Variants in FALEC observed in about 807,000 individuals in gnomAD.
The protein encoded by FALEC is focally amplified lncRNA regulator of ECM1.
At chr1:150,529,027 A>AAAAAAAAAAAAAAAAAAAAAAAAAT in the FALEC span, among the ~76,000 whole-genome samples, 1 of 150,818 alleles carries the variant, frequency 6.6e-6, no homozygotes, top group African/African-American at 2.4e-5. Context: ...AAAAAAAAAA[A>AAAAAAAAAAAAAAAAAAAAAAAAAT]AAAAAAAAAA....
At chr1:150,528,955 A>C in the FALEC span, among the ~76,000 whole-genome samples, 1 of 147,716 alleles carries the variant, frequency 6.8e-6, no homozygotes, top group Non-Finnish European at 1.5e-5. Context: ...CAGAGCAGAG[A>C]CTATGACAGG....
chr1:150,533,359 C>T, the FALEC span, among the ~76,000 whole-genome samples: 1 of 150,028 alleles, frequency 6.7e-6, no homozygotes, highest in Non-Finnish European at 1.5e-5. Flanking sequence ...TGGGCCACAT[C>T]GAGTGTGGAA....
the FALEC span, among the ~76,000 whole-genome samples, chr1:150,531,380 C>T: frequency 1.3e-5 from 2 of 152,058 alleles, no homozygotes; most frequent in Admixed American, 1.3e-4. Context: ...GAGGCTGAGG[C>T]AGGAGAATTG....
the FALEC span, among the ~76,000 whole-genome samples, chr1:150,536,722 G>A: frequency 6.6e-6 from 1 of 152,162 alleles, no homozygotes; most frequent in Non-Finnish European, 1.5e-5. Context: ...CTGGGAGGTC[G>A]AGGCTGCAGT....
the FALEC span, among the ~76,000 whole-genome samples, chr1:150,534,672 T>C: frequency 1.3e-5 from 2 of 151,978 alleles, no homozygotes; most frequent in Admixed American, 1.3e-4. Context: ...TGAAACCCCG[T>C]CTGTACTAAA....
chr1:150,535,052 T>C, the FALEC span, among the ~76,000 whole-genome samples: 1 of 152,184 alleles, frequency 6.6e-6, no homozygotes, highest in East Asian at 1.9e-4. Flanking sequence ...CCTGGCAGGA[T>C]GCAAAGCGGC....
the FALEC span, among the ~76,000 whole-genome samples, chr1:150,525,654 C>T: frequency 6.6e-6 from 1 of 152,190 alleles, no homozygotes; most frequent in African/African-American, 2.4e-5. Flanking sequence ...GTCACCCAGA[C>T]ACGAATGCAG....
At chr1:150,522,893 A>ATATG (rs1670666394), downstream of FALEC, among the ~76,000 whole-genome samples, 3 of 78,574 alleles carry the variant, frequency 3.8e-5, no homozygotes, top group African/African-American at 1.4e-4. Flanking sequence ...ATATACGTAT[A>ATATG]TATATATATA....
chr1:150,523,453 G>A, the FALEC span, among the ~76,000 whole-genome samples: 8 of 151,008 alleles, frequency 5.3e-5, no homozygotes, highest in Middle Eastern at 3.2e-3. Context: ...TCAGGAGTTC[G>A]AGACCAGCCT....
At chr1:150,536,392 C>T in the FALEC span, among the ~76,000 whole-genome samples, 3 of 152,192 alleles carry the variant, frequency 2.0e-5, no homozygotes, top group South Asian at 4.1e-4. Context: ...CCTGTGAGGA[C>T]CTGGAATCTA....
chr1:150,531,149 G>A, the FALEC span, among the ~76,000 whole-genome samples: 1 of 152,310 alleles, frequency 6.6e-6, no homozygotes, highest in African/African-American at 2.4e-5. Flanking sequence ...TGACTGATCT[G>A]TACACTAAGA....
chr1:150,536,378 G>C, the FALEC span, among the ~76,000 whole-genome samples: 1 of 152,208 alleles, frequency 6.6e-6, no homozygotes, highest in African/African-American at 2.4e-5. Context: ...GCCAAGACTT[G>C]ACACCTGTGA....
chr1:150,530,305 G>A, the FALEC span, among the ~76,000 whole-genome samples: 1 of 152,130 alleles, frequency 6.6e-6, no homozygotes, highest in African/African-American at 2.4e-5. Context: ...CTAATAGGAC[G>A]CACATTTAAG....
chr1:150,520,750 C>T (rs1162525169), downstream of FALEC, among the ~76,000 whole-genome samples: 8 of 141,644 alleles, frequency 5.6e-5, no homozygotes, highest in East Asian at 1.7e-3. Flanking sequence ...TTTTATATAC[C>T]TGTAGTTCAT....
At chr1:150,528,706 C>T in the FALEC span, among the ~76,000 whole-genome samples, 7 of 151,804 alleles carry the variant, frequency 4.6e-5, no homozygotes, top group East Asian at 1.2e-3. Flanking sequence ...CTCAGCCTCC[C>T]GAGTAGTAAC....
chr1:150,517,284 C>A (rs1294033652), intron 1 of FALEC, among the ~76,000 whole-genome samples: 2 of 133,598 alleles, frequency 1.5e-5, no homozygotes, highest in African/African-American at 2.9e-5. Flanking sequence ...GTGACAGAGC[C>A]AGACTCCGTC....
the FALEC span, among the ~76,000 whole-genome samples, chr1:150,526,230 G>C: frequency 3.3e-5 from 5 of 151,540 alleles, no homozygotes; most frequent in Non-Finnish European, 7.4e-5. Flanking sequence ...GGCACCTGTA[G>C]TCCCAGCTAC....
chr1:150,519,730 G>A (rs1016009065), downstream of FALEC, among the ~76,000 whole-genome samples: 22 of 152,202 alleles, frequency 1.4e-4, no homozygotes, highest in African/African-American at 5.3e-4. Context: ...GGTGGTGGGC[G>A]CCTGTAATCC....
At chr1:150,534,512 C>T in the FALEC span, among the ~76,000 whole-genome samples, 2 of 152,268 alleles carry the variant, frequency 1.3e-5, no homozygotes, top group East Asian at 3.9e-4. Flanking sequence ...TATCTGTGCC[C>T]CCCCAGCCCC....
Sources: allele counts gnomAD v4.1 joint callset (sites outside exome capture counted in the v4.1 genomes callset), GRCh38; gene constraint gnomAD v4.1.1; transcripts MANE v1.5; gene names NCBI Gene and HGNC (gene_info 2026-07-23, HGNC 2026-07-21).